Variants in GPD1L observed in about 807,000 individuals in gnomAD.
GPD1L encodes the protein glycerol-3-phosphate dehydrogenase 1-like protein.
A neutral mutation model predicts 32.9 loss-of-function variants in GPD1L; 17 were observed. The ratio of observed to expected loss-of-function variants is 0.52; its 90% CI spans 0.35 to 0.78. The LOEUF is 0.78. Ranked by LOEUF, GPD1L falls within the 30% of genes least tolerant of loss-of-function variation. The pLI, the probability that GPD1L is intolerant of heterozygous loss-of-function variation, is 0.01. For synonymous variants in GPD1L, 187 were observed against 165.9 expected, an observed-to-expected ratio of 1.13 and a Z score of -0.98; for missense variants, 361 against 447.8, an observed-to-expected ratio of 0.81 and a Z score of 1.75.
At chr3:32,155,317 T>C (rs1311202263) in intron 5 of GPD1L, among the ~76,000 whole-genome samples, 2 of 152,016 alleles carry the variant, frequency 1.3e-5, no homozygotes, top group African/African-American at 4.8e-5. Context: ...GGTACATACT[T>C]CTGAGTCATG....
chr3:32,108,468 C>T (rs1034701617), intron 1 of GPD1L, among the ~76,000 whole-genome samples: 1 of 152,200 alleles, frequency 6.6e-6, no homozygotes, highest in African/African-American at 2.4e-5. Context: ...AATCAGATTG[C>T]ACCATCGTAC....
At chr3:32,107,393 G>T (rs375432252) in intron 1 of GPD1L, among the ~76,000 whole-genome samples, 2 of 152,182 alleles carry the variant, frequency 1.3e-5, no homozygotes, top group African/African-American at 4.8e-5. Flanking sequence ...TCTCTTTGGG[G>T]CCTTATTTGA....
At chr3:32,153,905 C>T (rs1418536307) in intron 5 of GPD1L, among the ~76,000 whole-genome samples, 9 of 152,106 alleles carry the variant, frequency 5.9e-5, no homozygotes, top group Non-Finnish European at 1.2e-4. Context: ...TCTGAGTATT[C>T]CGTCACTCAG....
intron 1 of GPD1L, among the ~76,000 whole-genome samples, chr3:32,124,220 C>A (rs921717164): frequency 6.6e-6 from 1 of 152,176 alleles, no homozygotes; most frequent in Non-Finnish European, 1.5e-5. Flanking sequence ...CGCACGCCAC[C>A]ATGCTCAGCT....
intron 7 of GPD1L, among the ~76,000 whole-genome samples, chr3:32,163,777 C>T (rs1701106537): frequency 6.6e-6 from 1 of 152,184 alleles, no homozygotes; most frequent in Non-Finnish European, 1.5e-5. Flanking sequence ...GTTAACATCC[C>T]TTCCACAGAA....
intron 1 of GPD1L, among the ~76,000 whole-genome samples, chr3:32,117,438 G>A (rs1327416145): frequency 3.3e-5 from 5 of 152,176 alleles, no homozygotes; most frequent in African/African-American, 1.2e-4. Context: ...GTTTGTTCTG[G>A]ATTACCTAGC....
rs931627305 is a variant in GPD1L at position 32,168,321 on chromosome 3, A to G, written c.*2411A>G. On this transcript the variant is annotated 3_prime_UTR_variant, in exon 8 of 8. Coordinates refer to ENST00000282541, the MANE Select transcript of GPD1L (RefSeq NM_015141.4). ...TTGTTCATTTTAATTCACATTTCTT[A>G]TGAAGTATGGTAACAGGGAGGGAGA... The G allele has an allele frequency of 6.6e-6, 1 of 152,608 alleles. No individual in the cohort carries two copies. Among genetic ancestry groups the G allele is most frequent in the Non-Finnish European group, 1.5e-5 (1 of 68,036 alleles). 9.5% of individuals were successfully genotyped at this position (152,608 alleles called of 1,614,324 possible).
At chr3:32,127,414 G>A (rs562839300) in intron 1 of GPD1L, among the ~76,000 whole-genome samples, 18 of 152,276 alleles carry the variant, frequency 1.2e-4, no homozygotes, top group Admixed American at 5.2e-4. Context: ...CGGCAACCAC[G>A]TGCAGACCTG....
chr3:32,158,809 C>T, intron 5 of GPD1L, 67 bp from the exon 6 acceptor site: 1 of 1,576,136 alleles, frequency 6.3e-7, no homozygotes, highest in Non-Finnish European at 8.6e-7. Flanking sequence ...CATCCCCCAC[C>T]ACCTCTGGCA....
At chr3:32,164,943 C>T (rs1362970510) in intron 7 of GPD1L, among the ~76,000 whole-genome samples, 2 of 152,184 alleles carry the variant, frequency 1.3e-5, no homozygotes, top group East Asian at 1.9e-4. Flanking sequence ...CGGTGGCTCA[C>T]GCCTGTAATC....
In GPD1L at chr3:32,159,848, C is replaced by G. The variant is rs1701052144; in HGVS notation, c.959+174C>G. 2.0e-5 allele frequency among the ~76,000 whole-genome samples: 3 copies of G among 152,186 alleles called. No individual in the cohort carries two copies. In the South Asian group the frequency reaches 6.2e-4, roughly 32 times the overall value. The stretch of plus-strand genomic sequence containing the variant: ...CTGTGATGAGAAGCATCTACCTACT[C>G]CCAAAACATGTGTTTACACAAAACC... On this transcript the variant is annotated intron_variant, in intron 7 of 7. Coordinates refer to ENST00000282541, the MANE Select transcript of GPD1L (RefSeq NM_015141.4).
chr3:32,142,543 C>T (rs903649820), intron 4 of GPD1L, among the ~76,000 whole-genome samples: 2 of 152,044 alleles, frequency 1.3e-5, no homozygotes, highest in African/African-American at 4.8e-5. Flanking sequence ...ACAGTAAATT[C>T]TTTTATTTAT....
chr3:32,141,410 A>ATGTT (rs1045554354), intron 4 of GPD1L, among the ~76,000 whole-genome samples: 1 of 152,148 alleles, frequency 6.6e-6, no homozygotes, highest in Non-Finnish European at 1.5e-5. Flanking sequence ...ATGAACTATT[A>ATGTT]TGTTTGTAGT....
At chr3:32,162,751 A>G (rs568300020) in intron 7 of GPD1L, among the ~76,000 whole-genome samples, 4 of 152,210 alleles carry the variant, frequency 2.6e-5, no homozygotes, top group Admixed American at 2.0e-4. Context: ...GCCCGTACAC[A>G]ACATGTTCTC....
chr3:32,122,310 A>G (rs1399307435), intron 1 of GPD1L, among the ~76,000 whole-genome samples: 3 of 152,214 alleles, frequency 2.0e-5, no homozygotes, highest in African/African-American at 7.2e-5. Context: ...CTGGGTTTGA[A>G]TTGCTAACCG....
intron 1 of GPD1L, among the ~76,000 whole-genome samples, chr3:32,127,550 T>C (rs907463126): frequency 4.6e-5 from 7 of 152,204 alleles, no homozygotes; most frequent in Non-Finnish European, 8.8e-5. Flanking sequence ...AAAAGGGAGC[T>C]TGGGGGCCAG....
At chr3:32,146,199 G>T (rs1212149364) in intron 4 of GPD1L, among the ~76,000 whole-genome samples, 1 of 150,478 alleles carries the variant, frequency 6.6e-6, no homozygotes, top group African/African-American at 2.4e-5. Flanking sequence ...CGATGCTCCT[G>T]CCTCAACCTC....
chr3:32,138,842 G>A (rs532757147), intron 3 of GPD1L, 115 bp downstream of exon 3: 221 of 1,100,500 alleles, frequency 2.0e-4, no homozygotes, highest in Admixed American at 3.8e-4. Context: ...GCGGTTTTTC[G>A]TTTGTGTTCT....
chr3:32,144,858 C>G (rs1700797452), intron 4 of GPD1L, among the ~76,000 whole-genome samples: 1 of 151,548 alleles, frequency 6.6e-6, no homozygotes, highest in East Asian at 2.0e-4. Flanking sequence ...CACACACCAC[C>G]ACGCCAGGCT....
Sources: allele counts gnomAD v4.1 joint callset (sites outside exome capture counted in the v4.1 genomes callset), GRCh38; gene constraint gnomAD v4.1.1; transcripts MANE v1.5; gene names NCBI Gene and HGNC (gene_info 2026-07-23, HGNC 2026-07-21).